Variants in MTRF1 observed in about 807,000 individuals in gnomAD.
The protein encoded by MTRF1 is mitochondrial translation release factor 1.
MTRF1 carries 51 observed loss-of-function variants against 62.9 expected under a neutral mutation model. The ratio of observed to expected loss-of-function variants is 0.81; its 90% CI spans 0.65 to 1.02. The LOEUF (loss-of-function observed/expected upper bound fraction) is 1.02. Among genes scored for constraint, MTRF1 ranks in the 50% least tolerant of loss-of-function variants. The pLI is 0.00. For missense variants in MTRF1, 446 were observed against 530.0 expected, an observed-to-expected ratio of 0.84 and a Z score of 1.56; for synonymous variants, 158 against 181.9, an observed-to-expected ratio of 0.87 and a Z score of 1.06.
At chr13:41,288,250 G>T in the MTRF1 span, 1 of 369,818 alleles carries the variant, frequency 2.7e-6, no homozygotes, top group Admixed American at 3.2e-5. Flanking sequence ...TGCATTGGGT[G>T]TAACACTGAT....
At chr13:41,228,357 A>C (rs1426805324) in intron 7 of MTRF1, among the ~76,000 whole-genome samples, 1 of 152,150 alleles carries the variant, frequency 6.6e-6, no homozygotes, top group Admixed American at 6.5e-5. Context: ...ATTTGAGGCC[A>C]GAAGTTCTGA....
At chr13:41,249,008 G>A (rs931411674) in intron 5 of MTRF1, among the ~76,000 whole-genome samples, 1 of 151,988 alleles carries the variant, frequency 6.6e-6, no homozygotes, top group African/African-American at 2.4e-5. Flanking sequence ...AAAATGACAT[G>A]ACTTTGAAAG....
At chr13:41,303,707 T>C in the MTRF1 span, among the ~76,000 whole-genome samples, 1 of 152,188 alleles carries the variant, frequency 6.6e-6, no homozygotes, top group Non-Finnish European at 1.5e-5. Flanking sequence ...TAAGTATTCC[T>C]AGCCTCTAGG....
At chr13:41,276,665 A>T in the MTRF1 span, among the ~76,000 whole-genome samples, 1 of 152,090 alleles carries the variant, frequency 6.6e-6, no homozygotes, top group East Asian at 1.9e-4. Context: ...TAGCTTTGGA[A>T]GACATTTAGT....
upstream of MTRF1, among the ~76,000 whole-genome samples, chr13:41,268,042 A>G (rs1463720586): frequency 1.3e-5 from 2 of 152,232 alleles, no homozygotes; most frequent in Non-Finnish European, 2.9e-5. Flanking sequence ...TCAGGCTCTG[A>G]AAACCATATT....
At chr13:41,245,671 C>T (rs1053245506) in intron 5 of MTRF1, among the ~76,000 whole-genome samples, 1 of 152,152 alleles carries the variant, frequency 6.6e-6, no homozygotes, top group Admixed American at 6.5e-5. Context: ...TCTCATAAAA[C>T]TTTGTATGGA....
chr13:41,223,691 A>G (rs2033852661), intron 8 of MTRF1, among the ~76,000 whole-genome samples: 1 of 152,200 alleles, frequency 6.6e-6, no homozygotes, highest in Admixed American at 6.5e-5. Flanking sequence ...AAATTCTGAC[A>G]TTCTGCAATT....
chr13:41,274,751 T>C, the MTRF1 span, among the ~76,000 whole-genome samples: 1 of 151,962 alleles, frequency 6.6e-6, no homozygotes, highest in Non-Finnish European at 1.5e-5. Context: ...TTCTTGTGCC[T>C]CACCCTCCCA....
intron 6 of MTRF1, among the ~76,000 whole-genome samples, chr13:41,238,633 A>G (rs992712731): frequency 3.3e-5 from 5 of 152,222 alleles, no homozygotes; most frequent in Non-Finnish European, 7.4e-5. Flanking sequence ...TGTTAAAACT[A>G]TGGATGAAAG....
chr13:41,269,185 G>GTTTTTTTTTTTTTTTGGTTTTTTTTTTT, the MTRF1 span, among the ~76,000 whole-genome samples: 5 of 96,464 alleles, frequency 5.2e-5, no homozygotes, highest in East Asian at 3.0e-4. Context: ...CTTTTACCTT[G>GTTTTTTTTTTTTTTTGGTTTTTTTTTTT]TTTTTTTTTT....
chr13:41,302,171 T>C, the MTRF1 span, among the ~76,000 whole-genome samples: 12 of 151,954 alleles, frequency 7.9e-5, no homozygotes, highest in Admixed American at 3.3e-4. Context: ...GGATTACAGG[T>C]ACCCACCACC....
the MTRF1 span, chr13:41,311,592 CGT>C: frequency 6.2e-7 from 1 of 1,602,908 alleles, no homozygotes; most frequent in Non-Finnish European, 8.5e-7. Flanking sequence ...GGTGAGTGGC[CGT>C]AGGCCGCGCT....
chr13:41,252,601 TA>T (rs1202304667), intron 5 of MTRF1, 43 bp downstream of exon 5: 1 of 1,463,512 alleles, frequency 6.8e-7, no homozygotes, highest in Non-Finnish European at 9.5e-7. Flanking sequence ...AGAGGTAAAA[TA>T]ATTTTCAGTA....
chr13:41,291,628 C>T, the MTRF1 span, among the ~76,000 whole-genome samples: 1 of 151,990 alleles, frequency 6.6e-6, no homozygotes, highest in African/African-American at 2.4e-5. Flanking sequence ...TCATATATCT[C>T]CTAGGTAGAG....
chr13:41,306,247 G>A, the MTRF1 span, among the ~76,000 whole-genome samples: 1 of 152,096 alleles, frequency 6.6e-6, no homozygotes, highest in African/African-American at 2.4e-5. Flanking sequence ...AGCCGGGCGT[G>A]GTGGCGGGCG....
At chr13:41,267,289 C>T (rs1434243487), upstream of MTRF1, among the ~76,000 whole-genome samples, 2 of 151,992 alleles carry the variant, frequency 1.3e-5, no homozygotes, top group Non-Finnish European at 2.9e-5. Flanking sequence ...GTAAACTGGT[C>T]TAGAAACTTG....
Position 41,260,798 on chromosome 13 carries a change from G to C in MTRF1, c.110C>G (p.Thr37Arg), listed in dbSNP as rs868044884. The change falls in exon 2 of 10, where the codon ACA (threonine) becomes AGA (arginine). Residue 37 changes from threonine to arginine, a missense_variant. Transcript: ENST00000379480. ...GTTTTGTCTAAAAACTTGCAGCCTT[G>C]TATCAAGATGTATCTGTCTAAATTG... The part of the protein sequence containing the change: ...SHQFRQIHLD[T>R]RLQVFRQNRN... The C allele has an allele frequency of 4.3e-6, 7 of 1,614,136 alleles. No individual in the cohort carries two copies. In the African/African-American group the frequency reaches 6.7e-5, roughly 15 times the overall value.
the MTRF1 span, among the ~76,000 whole-genome samples, chr13:41,306,120 C>T: frequency 1.3e-5 from 2 of 152,080 alleles, no homozygotes; most frequent in African/African-American, 4.8e-5. Flanking sequence ...CGGTGGCTCA[C>T]GCCTGTAATC....
intron 9 of MTRF1, among the ~76,000 whole-genome samples, chr13:41,221,215 G>A (rs547395221): frequency 5.3e-5 from 8 of 150,374 alleles, no homozygotes; most frequent in Non-Finnish European, 8.9e-5. Flanking sequence ...GGAGTGCGGT[G>A]GTGCGATCTT....
Sources: allele counts gnomAD v4.1 joint callset (sites outside exome capture counted in the v4.1 genomes callset), GRCh38; gene constraint gnomAD v4.1.1; transcripts MANE v1.5; gene names NCBI Gene and HGNC (gene_info 2026-07-23, HGNC 2026-07-21).